The following PHLDB3 variants were observed in gnomAD, a reference collection of about 807,000 sequenced individuals.
The protein encoded by PHLDB3 is pleckstrin homology like domain family B member 3.
In PHLDB3, 86 loss-of-function variants were observed where a neutral mutation model predicts 85.7. The ratio of observed to expected loss-of-function variants is 1.00; its 90% CI spans 0.84 to 1.20. The LOEUF (loss-of-function observed/expected upper bound fraction) is 1.20, where lower values mean the gene tolerates loss of function less well. Ranked by LOEUF, PHLDB3 falls within the 50% of genes most tolerant of loss-of-function variation. The probability of loss-of-function intolerance (pLI) is 0.00; values close to 1 mark genes in which losing one functional copy is unlikely to be tolerated. For missense variants in PHLDB3, 995 were observed against 873.0 expected, an observed-to-expected ratio of 1.14 and a Z score of -1.76; for synonymous variants, 376 against 349.8, an observed-to-expected ratio of 1.07 and a Z score of -0.83.
At chr19:43,475,804 CT>C (rs925645986) in intron 15 of PHLDB3, among the ~76,000 whole-genome samples, 3 of 148,948 alleles carry the variant, frequency 2.0e-5, no homozygotes, top group African/African-American at 2.5e-5. Context: ...AATTTTTTTT[CT>C]TTTTTTTTTG....
intron 4 of PHLDB3, chr19:43,501,513 T>C (rs2145954098): frequency 1.2e-6 from 1 of 861,866 alleles, no homozygotes; most frequent in East Asian, 2.8e-5. Context: ...CACCCACATT[T>C]AAATAGCAAA....
Position 43,486,701 on chromosome 19 carries a change from G to C in PHLDB3, c.1341-5C>G, listed in dbSNP as rs753895965. ...TCTGGATGGATGGCCCCACAGCTAG[G>C]AGGAGGGAACACAGACGGGGTGGGT... On this transcript the variant is annotated splice_polypyrimidine_tract_variant and splice_region_variant and intron_variant, in intron 11 of 15. Coordinates refer to ENST00000292140, the MANE Select transcript of PHLDB3 (RefSeq NM_198850.4). The C allele has an allele frequency of 2.5e-6, 4 of 1,613,938 alleles. No individual in the cohort carries two copies. The East Asian group carries it at 8.9e-5, about 36-fold the overall frequency.
chr19:43,501,377 G>T (rs1971594054), intron 4 of PHLDB3, among the ~76,000 whole-genome samples: 1 of 151,816 alleles, frequency 6.6e-6, no homozygotes. Flanking sequence ...CAGAGACGGG[G>T]TTTCGCCATG....
chr19:43,486,205 A>G, intron 13 of PHLDB3, 61 bp downstream of exon 13: 1 of 1,373,422 alleles, frequency 7.3e-7, no homozygotes, highest in South Asian at 1.3e-5. Context: ...AAGAAAGGGC[A>G]TAGGTCAGGG....
chr19:43,495,313 AT>A lies in PHLDB3; in HGVS notation c.977del (p.Asn326IlefsTer115), dbSNP rs758573324. ...SQERSRLLEL[N>X]CLQGTPGGDF... Reference sequence around the variant, plus strand: ...CCCCGCCAGGTGTTCCCTGAAGGCAATTGAGCTCGAGCAGCCGGCTCCGTTC... The same window carrying A: ...CCCCGCCAGGTGTTCCCTGAAGGCAATGAGCTCGAGCAGCCGGCTCCGTTC... On this transcript the variant is annotated frameshift_variant, in exon 8 of 16. Transcript: ENST00000292140. LOFTEE classifies it high-confidence loss of function. 1.7e-5 allele frequency: 27 copies of A among 1,613,614 alleles called. No homozygotes were observed. The highest frequency in any genetic ancestry group is 2.0e-5 in the Non-Finnish European group (24 of 1,179,778).
chr19:43,499,220 G>A (rs899004103), intron 4 of PHLDB3, among the ~76,000 whole-genome samples: 3 of 152,110 alleles, frequency 2.0e-5, no homozygotes, highest in African/African-American at 7.2e-5. Context: ...GGGCTTGGAG[G>A]TGAGAGACAG....
chr19:43,497,913 C>A, intron 4 of PHLDB3, 37 bp from the exon 5 acceptor site: 3 of 1,571,384 alleles, frequency 1.9e-6, no homozygotes, highest in African/African-American at 1.4e-5. Flanking sequence ...TCAGCTTAAG[C>A]ATAGCGGGAG....
At chr19:43,483,186 TGTGGA>T (rs1971083291) in intron 13 of PHLDB3, among the ~76,000 whole-genome samples, 1 of 152,108 alleles carries the variant, frequency 6.6e-6, no homozygotes, top group Middle Eastern at 3.2e-3. Context: ...GACTGGTGCA[TGTGGA>T]AAAGTATAAA....
intron 13 of PHLDB3, among the ~76,000 whole-genome samples, chr19:43,479,936 C>G (rs180733196): frequency 7.2e-5 from 11 of 151,852 alleles, no homozygotes; most frequent in Admixed American, 3.9e-4. Flanking sequence ...TATTTCTGAC[C>G]CTAGAGCTCA....
At chr19:43,476,109 T>C (rs949785356) in intron 15 of PHLDB3, among the ~76,000 whole-genome samples, 1 of 152,138 alleles carries the variant, frequency 6.6e-6, no homozygotes, top group Non-Finnish European at 1.5e-5. Context: ...AATTTAAAAG[T>C]AGGACTTATG....
intron 13 of PHLDB3, among the ~76,000 whole-genome samples, chr19:43,480,096 C>G (rs1971011957): frequency 6.6e-6 from 1 of 150,670 alleles, no homozygotes; most frequent in Non-Finnish European, 1.5e-5. Context: ...TAGTGAGATC[C>G]TGTCTCTGAA....
At chr19:43,476,627 C>T (rs1970933560) in intron 15 of PHLDB3, among the ~76,000 whole-genome samples, 2 of 151,674 alleles carry the variant, frequency 1.3e-5, no homozygotes, top group South Asian at 2.1e-4. Flanking sequence ...TGTACCACTG[C>T]ACTCCAGCCT....
rs780980631 is a variant in PHLDB3 at position 43,492,048 on chromosome 19, C to T, written c.1149+2654G>A. Among the ~76,000 whole-genome samples, 35 of 151,182 alleles carry T rather than the reference C, an allele frequency of 2.3e-4. 1 individual carries two copies. Among genetic ancestry groups the T allele is most frequent in the Admixed American group, 1.9e-3 (28 of 15,112 alleles). ...TCGGCTCACTGCAACCTCCGCCTTC[C>T]GGGTTCAAGCGATTCTTCTGTCTCA... is the stretch of plus-strand genomic sequence containing the variant. On this transcript the variant is annotated intron_variant, in intron 9 of 15. Coordinates refer to ENST00000292140, the MANE Select transcript of PHLDB3 (RefSeq NM_198850.4).
At position 43,475,272 on chromosome 19, in the gene PHLDB3, G is replaced by C; in HGVS notation, c.*138C>G. 8.0e-7 allele frequency: 1 copy of C among 1,245,492 alleles called. No individual in the cohort carries two copies. The highest frequency in any genetic ancestry group is 1.5e-5 in the South Asian group (1 of 64,742). 77.2% of individuals were successfully genotyped at this position (1,245,492 alleles called of 1,614,324 possible). Reference sequence around the variant, plus strand: ...CGCAGCAGCTCAGGCCAGCTGAACTGCCGCGCCTGCGGAATTCCCGGGAGA... The same window carrying C: ...CGCAGCAGCTCAGGCCAGCTGAACTCCCGCGCCTGCGGAATTCCCGGGAGA... On this transcript the variant is annotated 3_prime_UTR_variant, in exon 16 of 16. Transcript: ENST00000292140.
chr19:43,486,610 C>T lies in PHLDB3; in HGVS notation c.1427G>A (p.Arg476Gln), dbSNP rs199522851. 196 of 1,612,200 alleles carry T rather than the reference C, an allele frequency of 1.2e-4. No homozygotes were observed. The highest frequency in any genetic ancestry group is 2.7e-4 in the African/African-American group (20 of 75,024). ...GAAGAGGATGGCCTGGGCTCTCACCCGGGCCTTGAGCAGCCGCTCCCTCTC... is the reference window on the plus strand; with the variant it reads ...GAAGAGGATGGCCTGGGCTCTCACCTGGGCCTTGAGCAGCCGCTCCCTCTC... Reference protein sequence around the residue: ...MAERERLLKAREGTRRGTEGS... With the variant: ...MAERERLLKAQEGTRRGTEGS... Residue 476 changes from arginine (R) to glutamine (Q), a missense_variant and splice_region_variant, in exon 12 of 16, where the codon CGG (arginine) becomes CAG (glutamine). Arg to Gln is a conservative substitution (Grantham distance 43, BLOSUM62 1). Coordinates refer to ENST00000292140, the MANE Select transcript of PHLDB3 (RefSeq NM_198850.4).
chr19:43,503,194 G>A (rs999045697), intron 2 of PHLDB3, among the ~76,000 whole-genome samples: 1 of 151,910 alleles, frequency 6.6e-6, no homozygotes, highest in African/African-American at 2.4e-5. Flanking sequence ...CCATGTCTCT[G>A]GGTCTCTGTC....
chr19:43,483,603 A>G (rs756796753), intron 13 of PHLDB3, among the ~76,000 whole-genome samples: 12 of 152,104 alleles, frequency 7.9e-5, no homozygotes, highest in Non-Finnish European at 1.6e-4. Flanking sequence ...AACAAAACGC[A>G]TTGATTCTAT....
intron 9 of PHLDB3, among the ~76,000 whole-genome samples, chr19:43,488,570 A>T (rs1188921052): frequency 6.6e-6 from 1 of 152,160 alleles, no homozygotes; most frequent in Non-Finnish European, 1.5e-5. Flanking sequence ...AGCTTTATGG[A>T]GGGCAACTTG....
chr19:43,495,388 C>T (rs1971429976), intron 7 of PHLDB3, 49 bp from the exon 8 acceptor site: 2 of 1,601,892 alleles, frequency 1.2e-6, no homozygotes. Context: ...ATGGGCTGTC[C>T]CAGCTGCTTT....
Sources: allele counts gnomAD v4.1 joint callset (sites outside exome capture counted in the v4.1 genomes callset), GRCh38; gene constraint gnomAD v4.1.1; transcripts MANE v1.5; gene names NCBI Gene and HGNC (gene_info 2026-07-23, HGNC 2026-07-21).